LRRC7: variants seen among roughly 807,000 people sequenced by gnomAD.
LRRC7 encodes the protein leucine-rich repeat-containing protein 7.
LRRC7 carries 23 observed loss-of-function variants against 175.7 expected under a neutral mutation model. The observed-to-expected ratio is 0.13, with a 90% CI of 0.09 to 0.19. LRRC7 has a LOEUF of 0.19. Ranked by LOEUF, LRRC7 falls within the 10% of genes least tolerant of loss-of-function variation. The pLI, the probability that LRRC7 is intolerant of heterozygous loss-of-function variation, is 1.00. For missense variants in LRRC7, 1,354 were observed against 1,904.7 expected, an observed-to-expected ratio of 0.71 and a Z score of 5.38; for synonymous variants, 685 against 680.9, an observed-to-expected ratio of 1.01 and a Z score of -0.09.
chr1:69,833,156 AT>A (rs1233194578), intron 5 of LRRC7, among the ~76,000 whole-genome samples: 1 of 152,094 alleles, frequency 6.6e-6, no homozygotes, highest in African/African-American at 2.4e-5. Flanking sequence ...AAAATGTTAA[AT>A]TGTTTATTCA....
At chr1:69,854,041 C>T (rs1683306741) in intron 7 of LRRC7, among the ~76,000 whole-genome samples, 1 of 152,170 alleles carries the variant, frequency 6.6e-6, no homozygotes, top group African/African-American at 2.4e-5. Flanking sequence ...ATAGTTCCAA[C>T]TGTGGCCTGT....
intron 23 of LRRC7, among the ~76,000 whole-genome samples, chr1:70,055,722 C>T (rs1661098435): frequency 6.6e-6 from 1 of 152,136 alleles, no homozygotes; most frequent in African/African-American, 2.4e-5. Context: ...ACAACCAGAT[C>T]TCATAAGAAC....
intron 4 of LRRC7, among the ~76,000 whole-genome samples, chr1:69,819,408 A>G (rs1192737558): frequency 1.3e-5 from 2 of 151,980 alleles, no homozygotes; most frequent in East Asian, 3.9e-4. Flanking sequence ...TTTTATATAT[A>G]TCATTGCTGT....
chr1:69,946,189 G>A (rs1557918375), intron 8 of LRRC7, among the ~76,000 whole-genome samples: 2 of 152,136 alleles, frequency 1.3e-5, no homozygotes. Flanking sequence ...ATGAAAAGGT[G>A]TTGAATTTTG....
At chr1:69,806,526 T>C (rs1014646736) in intron 4 of LRRC7, among the ~76,000 whole-genome samples, 1 of 151,792 alleles carries the variant, frequency 6.6e-6, no homozygotes, top group South Asian at 2.1e-4. Flanking sequence ...ATAGGCAGAG[T>C]CTTGCCTATT....
At chr1:69,988,845 A>G (rs1473855722) in intron 10 of LRRC7, among the ~76,000 whole-genome samples, 1 of 152,148 alleles carries the variant, frequency 6.6e-6, no homozygotes, top group Non-Finnish European at 1.5e-5. Flanking sequence ...TAACCAGAAA[A>G]CTGCCAGACA....
At chr1:69,837,052 A>G (rs1195465226) in intron 6 of LRRC7, among the ~76,000 whole-genome samples, 1 of 151,914 alleles carries the variant, frequency 6.6e-6, no homozygotes, top group Non-Finnish European at 1.5e-5. Flanking sequence ...TTAATGTTCT[A>G]TATGGACAGG....
At chr1:69,738,634 C>T (rs1470021027) in intron 2 of LRRC7, among the ~76,000 whole-genome samples, 3 of 151,982 alleles carry the variant, frequency 2.0e-5, no homozygotes, top group East Asian at 1.9e-4. Context: ...CTGAATAATA[C>T]CCCTTTGAGA....
intron 7 of LRRC7, among the ~76,000 whole-genome samples, chr1:69,912,617 A>G (rs921452732): frequency 2.6e-5 from 4 of 152,160 alleles, no homozygotes; most frequent in Admixed American, 2.6e-4. Context: ...AGAGCTCAAA[A>G]GTTCTATCAA....
chr1:69,853,513 G>A (rs1381582747), intron 7 of LRRC7, among the ~76,000 whole-genome samples: 1 of 151,974 alleles, frequency 6.6e-6, no homozygotes, highest in Non-Finnish European at 1.5e-5. Flanking sequence ...TCCTGACCTT[G>A]TGATCCGCCC....
At chr1:69,869,644 A>G (rs1171828746) in intron 7 of LRRC7, among the ~76,000 whole-genome samples, 4 of 152,104 alleles carry the variant, frequency 2.6e-5, no homozygotes, top group Non-Finnish European at 4.4e-5. Context: ...AGAAAAGAAA[A>G]CCAACATTTA....
intron 17 of LRRC7, among the ~76,000 whole-genome samples, chr1:70,027,737 G>A (rs929561308): frequency 2.6e-5 from 4 of 151,962 alleles, no homozygotes; most frequent in Non-Finnish European, 4.4e-5. Context: ...AAAGCTTTTG[G>A]GGTCTCCTCC....
chr1:69,792,662 A>G (rs1569906622), intron 4 of LRRC7, among the ~76,000 whole-genome samples: 2 of 152,172 alleles, frequency 1.3e-5, no homozygotes, highest in African/African-American at 4.8e-5. Flanking sequence ...GTAAACTCCA[A>G]TTCATAACAG....
Position 69,853,428 on chromosome 1 carries a change from G to A in LRRC7, c.647+15145G>A, listed in dbSNP as rs186946254. ...CGAGTAGCTGGGACTACAGGCATGT[G>A]CCACCACACCCCGCTAATTTTTGTA... On this transcript the variant is annotated intron_variant, in intron 7 of 26. Coordinates refer to ENST00000651989, the MANE Select transcript of LRRC7 (RefSeq NM_001370785.2). Among the ~76,000 whole-genome samples the A allele has an allele frequency of 5.3e-5, 8 of 151,680 alleles. No individual in the cohort carries two copies. The East Asian group carries it at 1.6e-3, about 30-fold the overall frequency.
At chr1:69,708,929 AG>A (rs1483230913) in intron 2 of LRRC7, among the ~76,000 whole-genome samples, 1 of 152,206 alleles carries the variant, frequency 6.6e-6, no homozygotes, top group Non-Finnish European at 1.5e-5. Flanking sequence ...CAAGTCACAA[AG>A]CCAAACCCAA....
intron 3 of LRRC7, among the ~76,000 whole-genome samples, chr1:69,777,044 A>G (rs1402424170): frequency 6.6e-6 from 1 of 152,276 alleles, no homozygotes; most frequent in East Asian, 1.9e-4. Flanking sequence ...CAAGAGCCCT[A>G]AATAATTAAG....
intron 7 of LRRC7, among the ~76,000 whole-genome samples, chr1:69,857,518 A>C (rs533265308): frequency 1.3e-5 from 2 of 152,222 alleles, no homozygotes; most frequent in Admixed American, 1.3e-4. Flanking sequence ...CAATTGCTTC[A>C]AAGAGAATAA....
In LRRC7 at chr1:69,667,551, A is replaced by G. The variant is rs570297912; in HGVS notation, c.3-10830A>G. 9.9e-5 allele frequency among the ~76,000 whole-genome samples: 15 copies of G among 152,284 alleles called. No homozygotes were observed. The South Asian group carries it at 3.1e-3, about 32-fold the overall frequency. Reference sequence around the variant, plus strand: ...TTGCTGAATTCATCCCTTTATCATTATATAGTGACTTTTGTCTATTCTTAT... The same window carrying G: ...TTGCTGAATTCATCCCTTTATCATTGTATAGTGACTTTTGTCTATTCTTAT... On this transcript the variant is annotated intron_variant, in intron 1 of 26. Transcript: ENST00000651989.
At chr1:69,814,296 A>T (rs1678322489) in intron 4 of LRRC7, among the ~76,000 whole-genome samples, 1 of 152,144 alleles carries the variant, frequency 6.6e-6, no homozygotes, top group Admixed American at 6.6e-5. Flanking sequence ...GTGGTTCTTC[A>T]TTTGAAAAAT....
Sources: allele counts gnomAD v4.1 joint callset (sites outside exome capture counted in the v4.1 genomes callset), GRCh38; gene constraint gnomAD v4.1.1; transcripts MANE v1.5; gene names NCBI Gene and HGNC (gene_info 2026-07-23, HGNC 2026-07-21).